Variants in LETM2 observed in about 807,000 individuals in gnomAD.
The protein encoded by LETM2 is leucine zipper and EF-hand containing transmembrane protein 2.
In LETM2, 58 loss-of-function variants were observed where a neutral mutation model predicts 59.6. That is an observed-to-expected ratio of 0.97 (90% confidence interval 0.79 to 1.21). LETM2 has a LOEUF of 1.21. Among genes scored for constraint, LETM2 ranks in the 50% most tolerant of loss-of-function variants. LETM2 has a pLI of 0.00. For missense variants in LETM2, 572 were observed against 575.7 expected (o/e 0.99, Z 0.07); for synonymous variants, 199 against 214.1 (o/e 0.93, Z 0.62).
At position 38,408,334 on chromosome 8, in the gene LETM2, G is replaced by A; in HGVS notation, c.*60G>A. 5.0e-6 allele frequency: 7 copies of A among 1,392,618 alleles called. No individual in the cohort carries two copies. Among genetic ancestry groups the A allele is most frequent in the Non-Finnish European group, 7.1e-6 (7 of 988,668 alleles). The allele number at this position is 1,392,618 out of a possible 1,614,324, so 86.3% of individuals were successfully genotyped here. ...CTTCCGGCCCTCAACAGTGGCATCT[G>A]TAAAGGACCTCCCAGATAAGACTGT... On this transcript the variant is annotated 3_prime_UTR_variant, in exon 11 of 11. Coordinates refer to ENST00000379957, the MANE Select transcript of LETM2 (RefSeq NM_001286819.2).
At chr8:38,391,707 TTTGAGACGGTGTCTTGTTCTG>T (rs1162378479) in intron 2 of LETM2, among the ~76,000 whole-genome samples, 2 of 151,690 alleles carry the variant, frequency 1.3e-5, no homozygotes, top group African/African-American at 2.4e-5. Context: ...TTTTTTTTTT[TTTGAGACGGTGTCTTGTTCTG>T]TTGCCCAGGC....
chr8:38,384,687 A>C (rs576863390), upstream of LETM2, among the ~76,000 whole-genome samples: 9 of 152,252 alleles, frequency 5.9e-5, no homozygotes, highest in Non-Finnish European at 1.3e-4. Flanking sequence ...CTTTGAACAG[A>C]TATCTCAATA....
At position 38,392,548 on chromosome 8, in the gene LETM2, TAGCC is replaced by T; in HGVS notation, c.56_59del (p.Ser19IlefsTer24). 1 of 1,603,610 alleles carries T rather than the reference TAGCC, an allele frequency of 6.2e-7. No homozygotes were observed. Among genetic ancestry groups the T allele is most frequent in the South Asian group, 1.1e-5 (1 of 90,888 alleles). ...ATGTTGCTTTTTATTCCAGATTCCC[TAGCC>T]ATTTTGTCCATCCTACCTGCTCTTC... On this transcript the variant is annotated frameshift_variant, in exon 3 of 11. Coordinates refer to ENST00000379957, the MANE Select transcript of LETM2 (RefSeq NM_001286819.2). LOFTEE classifies it high-confidence loss of function.
At chr8:38,401,529 T>C (rs963584884) in intron 6 of LETM2, 7 of 172,734 alleles carry the variant, frequency 4.1e-5, no homozygotes, top group African/African-American at 1.7e-4. Flanking sequence ...TGAACCTTGA[T>C]TACTCATTTG....
chr8:38,386,425 G>A (rs537112044), upstream of LETM2: 1 of 152,348 alleles, frequency 6.6e-6, no homozygotes, highest in South Asian at 2.1e-4. Flanking sequence ...CTTATTGGTT[G>A]GCGATGTCGT....
intron 6 of LETM2, 73 bp downstream of exon 6, chr8:38,401,126 G>T: frequency 8.0e-7 from 1 of 1,244,312 alleles, no homozygotes. Context: ...GTGGGATGAA[G>T]TGTGCAGTAT....
intron 2 of LETM2, among the ~76,000 whole-genome samples, chr8:38,390,686 TTTTTTG>T (rs1812169670): frequency 6.7e-6 from 1 of 149,782 alleles, no homozygotes; most frequent in African/African-American, 2.4e-5. Context: ...TTGTTTTTTG[TTTTTTG>T]TTTTTTTGTG....
intron 4 of LETM2, among the ~76,000 whole-genome samples, chr8:38,396,818 C>T (rs936776371): frequency 2.0e-5 from 3 of 151,906 alleles, no homozygotes; most frequent in Admixed American, 6.6e-5. Context: ...GAGGCTGAAG[C>T]GGGAGGATTG....
Position 38,408,350 on chromosome 8 carries a change from A to AT in LETM2, c.*77dup. ...GTGGCATCTGTAAAGGACCTCCCAGATAAGACTGTCTGGCTTCAGAGAGCG... is the reference window on the plus strand; with the variant it reads ...GTGGCATCTGTAAAGGACCTCCCAGATTAAGACTGTCTGGCTTCAGAGAGCG... On this transcript the variant is annotated 3_prime_UTR_variant, in exon 11 of 11. Transcript: ENST00000379957. 1 of 1,271,702 alleles carries AT rather than the reference A, an allele frequency of 7.9e-7. No individual in the cohort carries two copies. Among genetic ancestry groups the AT allele is most frequent in the Non-Finnish European group, 1.1e-6 (1 of 886,390 alleles). The allele number at this position is 1,271,702 out of a possible 1,614,324, so 78.8% of individuals were successfully genotyped here.
chr8:38,394,766 C>CA lies in LETM2; in HGVS notation c.645+526dup, dbSNP rs1179719193. ...CTGAAGCAAGAGGATCACTTGAGCC[C>CA]AGGAGGTCAAGGCTGCAATGACCTA... On this transcript the variant is annotated intron_variant, in intron 4 of 10. Coordinates refer to ENST00000379957, the MANE Select transcript of LETM2 (RefSeq NM_001286819.2). Among the ~76,000 whole-genome samples the CA allele has an allele frequency of 2.0e-5, 3 of 149,876 alleles. No individual in the cohort carries two copies. The Admixed American group carries it at 2.0e-4, about 10-fold the overall frequency.
At chr8:38,393,074 G>A (rs897875467) in intron 3 of LETM2, 79 bp downstream of exon 3, 7 of 1,239,304 alleles carry the variant, frequency 5.6e-6, no homozygotes, top group East Asian at 2.4e-5. Flanking sequence ...TAAATTCAAC[G>A]TAAACTTCAT....
intron 2 of LETM2, among the ~76,000 whole-genome samples, chr8:38,390,784 G>C (rs971118916): frequency 6.7e-6 from 1 of 150,178 alleles, no homozygotes; most frequent in Non-Finnish European, 1.5e-5. Context: ...CTGGGTTCAA[G>C]CAATTCTCCT....
Position 38,400,424 on chromosome 8 carries a change from T to C in LETM2, c.783+15T>C, listed in dbSNP as rs932205939. On this transcript the variant is annotated intron_variant, in intron 5 of 10. Transcript: ENST00000379957. ...ACGTGAAGCAGGTGTCCATCTTTTA[T>C]GTAATGCCGAACAACTTCGGGGCTG... is the stretch of plus-strand genomic sequence containing the variant. The C allele has an allele frequency of 1.3e-6, 2 of 1,552,148 alleles. No homozygotes were observed. Among genetic ancestry groups the C allele is most frequent in the Non-Finnish European group, 1.7e-6 (2 of 1,152,106 alleles).
chr8:38,408,024 A>C (rs1813871831), intron 10 of LETM2, 188 bp from the exon 11 acceptor site: 2 of 541,720 alleles, frequency 3.7e-6, no homozygotes, highest in Admixed American at 6.2e-5. Flanking sequence ...AGCCCAGAAA[A>C]GCATCCCAAG....
intron 2 of LETM2, among the ~76,000 whole-genome samples, chr8:38,391,822 G>C (rs1563384329): frequency 1.3e-5 from 2 of 151,858 alleles, no homozygotes; most frequent in Non-Finnish European, 2.9e-5. Flanking sequence ...CTCCCTAGTA[G>C]CTGGGATTAC....
At chr8:38,385,943 A>G (rs1585953732), upstream of LETM2, among the ~76,000 whole-genome samples, 1 of 152,222 alleles carries the variant, frequency 6.6e-6, no homozygotes, top group African/African-American at 2.4e-5. Flanking sequence ...GGGACCATTG[A>G]GAAAGCAAAT....
intron 5 of LETM2, 28 bp downstream of exon 5, chr8:38,400,437 A>T: frequency 6.5e-7 from 1 of 1,541,260 alleles, no homozygotes; most frequent in East Asian, 2.3e-5. Flanking sequence ...AATGCCGAAC[A>T]ACTTCGGGGC....
intron 2 of LETM2, among the ~76,000 whole-genome samples, chr8:38,391,181 C>CAAAAAAAAAAAAAAAAAAAAAAAA (rs552521178): frequency 1.9e-5 from 1 of 52,014 alleles, no homozygotes; most frequent in Non-Finnish European, 3.5e-5. Context: ...CCTCCTGTCT[C>CAAAAAAAAAAAAAAAAAAAAAAAA]AAAAAAAAAA....
intron 4 of LETM2, among the ~76,000 whole-genome samples, chr8:38,399,039 A>G (rs1812936326): frequency 6.7e-6 from 1 of 149,594 alleles, no homozygotes; most frequent in Admixed American, 6.7e-5. Context: ...GGTTCTGATC[A>G]TACTATTGTG....
Sources: allele counts gnomAD v4.1 joint callset (sites outside exome capture counted in the v4.1 genomes callset), GRCh38; gene constraint gnomAD v4.1.1; transcripts MANE v1.5; gene names NCBI Gene and HGNC (gene_info 2026-07-23, HGNC 2026-07-21).